Variants in RBFOX1 observed in about 807,000 individuals in gnomAD.
The protein encoded by RBFOX1 is RNA binding protein fox-1 homolog 1.
Under a neutral mutation model 57.7 loss-of-function variants are expected in RBFOX1, and 8 were observed. The observed-to-expected ratio is 0.14, with a 90% CI of 0.08 to 0.25. The LOEUF (loss-of-function observed/expected upper bound fraction) is 0.25, where lower values mean the gene tolerates loss of function less well. Ranked by LOEUF, RBFOX1 falls within the 10% of genes least tolerant of loss-of-function variation. The probability of loss-of-function intolerance (pLI) is 1.00; values close to 1 mark genes in which losing one functional copy is unlikely to be tolerated. For missense variants in RBFOX1, 611 were observed against 548.5 expected, an observed-to-expected ratio of 1.11 and a Z score of -1.14; for synonymous variants, 326 against 222.4, an observed-to-expected ratio of 1.47 and a Z score of -4.15.
rs143064947 is a variant in RBFOX1 at position 5,662,984 on chromosome 16, C to T, written c.318+64023C>T. Among the ~76,000 whole-genome samples, 302 of 152,220 alleles carry T rather than the reference C, an allele frequency of 2.0e-3. 1 individual carries two copies. The highest frequency in any genetic ancestry group is 3.7e-3 in the Non-Finnish European group (253 of 68,018). ...TCTATGATTATCTGTAGTGGGGTTTCCAGTGGGCAGGAGAGCAATTTTGCC... is the reference window on the plus strand; with the variant it reads ...TCTATGATTATCTGTAGTGGGGTTTTCAGTGGGCAGGAGAGCAATTTTGCC... On this transcript the variant is annotated intron_variant, in intron 3 of 19. Transcript: ENST00000641259.
rs576499905 is a variant in RBFOX1, at chr16:7,673,456, C to T, written c.931-3318C>T. Among the ~76,000 whole-genome samples the T allele has an allele frequency of 7.9e-5, 12 of 152,248 alleles. No individual in the cohort carries two copies. In the South Asian group the frequency reaches 2.5e-3, roughly 32 times the overall value. Reference sequence around the variant, plus strand: ...GCACAGTGGCTTACACCTGTAATCCCAGCACTTTGGGAGGCTGAATTGGGA... The same window carrying T: ...GCACAGTGGCTTACACCTGTAATCCTAGCACTTTGGGAGGCTGAATTGGGA... On this transcript the variant is annotated intron_variant, in intron 13 of 15. Transcript: ENST00000550418.
chr16:6,263,803 C>T (rs1281095650), intron 1 of RBFOX1, among the ~76,000 whole-genome samples: 9 of 152,190 alleles, frequency 5.9e-5, no homozygotes, highest in Admixed American at 5.9e-4. Context: ...GGAAGCACCA[C>T]TCCATCTGTG....
At chr16:5,852,836 G>T (rs1266253844) in intron 3 of RBFOX1, among the ~76,000 whole-genome samples, 5 of 151,370 alleles carry the variant, frequency 3.3e-5, no homozygotes, top group Admixed American at 6.6e-5. Flanking sequence ...TCTCTAAGGG[G>T]AAAAAAAAGG....
chr16:6,877,859 T>G (rs111682777), intron 3 of RBFOX1, among the ~76,000 whole-genome samples: 123 of 152,186 alleles, frequency 8.1e-4, no homozygotes, highest in African/African-American at 2.9e-3. Flanking sequence ...AAATACCCAT[T>G]CAAAGAGAAT....
At chr16:7,476,640 A>C (rs184721041) in intron 4 of RBFOX1, among the ~76,000 whole-genome samples, 17 of 152,270 alleles carry the variant, frequency 1.1e-4, no homozygotes, top group Admixed American at 4.6e-4. Flanking sequence ...GGATGCCTGG[A>C]AATTTCACCT....
At chr16:6,860,872 C>T (rs2058867099) in intron 3 of RBFOX1, among the ~76,000 whole-genome samples, 1 of 151,880 alleles carries the variant, frequency 6.6e-6, no homozygotes, top group Non-Finnish European at 1.5e-5. Flanking sequence ...TAAATGTATT[C>T]AAAAATAGAT....
chr16:6,761,851 A>T (rs1351661573), intron 3 of RBFOX1, among the ~76,000 whole-genome samples: 1 of 151,736 alleles, frequency 6.6e-6, no homozygotes, highest in African/African-American at 2.4e-5. Context: ...CAGTCACTCA[A>T]AGCAACTACA....
intron 2 of RBFOX1, among the ~76,000 whole-genome samples, chr16:6,475,831 A>G (rs4625726): frequency 0.53 from 80,909 of 152,096 alleles, 21,616 homozygotes; most frequent in South Asian, 0.65. Context: ...GAATATTTCA[A>G]TAGGTCATTA....
At chr16:5,642,881 C>G (rs1380241920) in intron 3 of RBFOX1, among the ~76,000 whole-genome samples, 1 of 152,140 alleles carries the variant, frequency 6.6e-6, no homozygotes, top group Non-Finnish European at 1.5e-5. Flanking sequence ...GTGAGGGGGT[C>G]TGTATTCAAA....
intron 1 of RBFOX1, among the ~76,000 whole-genome samples, chr16:6,254,577 C>T (rs1419850269): frequency 3.3e-5 from 5 of 152,060 alleles, no homozygotes; most frequent in South Asian, 2.1e-4. Context: ...GGTTTATTTT[C>T]TGTGGTAGGA....
At chr16:6,668,813 C>A in intron 3 of RBFOX1, among the ~76,000 whole-genome samples, 1 of 6,202 alleles carries the variant, frequency 1.6e-4, no homozygotes, top group Admixed American at 3.6e-3. Flanking sequence ...TTAAAAGAAG[C>A]AAGTCTATTT....
intron 1 of RBFOX1, among the ~76,000 whole-genome samples, chr16:5,432,679 G>A (rs1034223736): frequency 1.3e-5 from 2 of 151,542 alleles, no homozygotes; most frequent in Non-Finnish European, 2.9e-5. Flanking sequence ...AAAGAGGGCT[G>A]ACTGTGGGTG....
At chr16:7,705,795 G>T (rs1438320475) in intron 14 of RBFOX1, among the ~76,000 whole-genome samples, 1 of 152,182 alleles carries the variant, frequency 6.6e-6, no homozygotes, top group South Asian at 2.1e-4. Flanking sequence ...TGGTGTTGAT[G>T]AACTAGTGGC....
At chr16:7,621,833 A>T (rs911698714) in intron 10 of RBFOX1, among the ~76,000 whole-genome samples, 1 of 152,202 alleles carries the variant, frequency 6.6e-6, no homozygotes, top group African/African-American at 2.4e-5. Context: ...AAAGGGCCAG[A>T]CAGTAAACAC....
intron 11 of RBFOX1, among the ~76,000 whole-genome samples, chr16:7,632,207 C>T (rs1235774263): frequency 6.6e-6 from 1 of 152,152 alleles, no homozygotes; most frequent in Non-Finnish European, 1.5e-5. Flanking sequence ...CTGCCCCTGG[C>T]CCAGACTATA....
intron 3 of RBFOX1, among the ~76,000 whole-genome samples, chr16:5,707,946 C>G (rs1013446456): frequency 6.6e-6 from 1 of 152,156 alleles, no homozygotes; most frequent in Non-Finnish European, 1.5e-5. Flanking sequence ...CTTTAGTTTT[C>G]TATTCACTAG....
chr16:7,352,092 G>T (rs888450180), intron 4 of RBFOX1, among the ~76,000 whole-genome samples: 1 of 152,010 alleles, frequency 6.6e-6, no homozygotes, highest in Non-Finnish European at 1.5e-5. Flanking sequence ...GCAATTGCGG[G>T]GTGTATCATT....
Position 7,703,516 on chromosome 16 carries a change from G to T in RBFOX1, c.996-5540G>T, listed in dbSNP as rs532715166. ...AATAAAAAGTTCCCAGGGCATAAAC[G>T]CTCCTCATCAAAATAGGGAGTAAAA... On this transcript the variant is annotated intron_variant, in intron 14 of 15. Transcript: ENST00000550418. Among the ~76,000 whole-genome samples the T allele has an allele frequency of 2.0e-5, 3 of 152,126 alleles. 1 individual carries two copies. Among genetic ancestry groups the T allele is most frequent in the African/African-American group, 7.2e-5 (3 of 41,442 alleles).
intron 2 of RBFOX1, among the ~76,000 whole-genome samples, chr16:6,400,785 C>T (rs950717250): frequency 2.0e-5 from 3 of 152,140 alleles, no homozygotes. Flanking sequence ...GTCCCAGCTA[C>T]TCAGGAGGCT....
Sources: gnomAD v4.1 joint callset for allele counts (sites outside exome capture counted in the v4.1 genomes callset) on GRCh38, gnomAD v4.1.1 for gene constraint, MANE v1.5 for transcripts, NCBI Gene and HGNC (gene_info 2026-07-23, HGNC 2026-07-21) for gene names.